SLCO2A1: variants seen among roughly 807,000 people sequenced by gnomAD.
The protein encoded by SLCO2A1 is solute carrier organic anion transporter family member 2A1.
Under a neutral mutation model 71.7 loss-of-function variants are expected in SLCO2A1, and 60 were observed. The ratio of observed to expected loss-of-function variants is 0.84; its 90% confidence interval spans 0.68 to 1.04. The LOEUF is 1.04. SLCO2A1 is among the 50% of genes least tolerant of loss of function. The probability of loss-of-function intolerance (pLI) is 0.00; values close to 1 mark genes in which losing one functional copy is unlikely to be tolerated. For missense variants in SLCO2A1, 745 were observed against 813.4 expected (o/e 0.92, Z 1.02); for synonymous variants, 308 against 326.7 (o/e 0.94, Z 0.62).
chr3:133,974,438 C>T (rs1314237373), intron 2 of SLCO2A1, among the ~76,000 whole-genome samples: 1 of 152,220 alleles, frequency 6.6e-6, no homozygotes, highest in African/African-American at 2.4e-5. Context: ...TCTTGCCTGA[C>T]TCTAAAACAC....
At chr3:134,010,550 A>G (rs1462017503) in intron 1 of SLCO2A1, among the ~76,000 whole-genome samples, 2 of 152,056 alleles carry the variant, frequency 1.3e-5, no homozygotes, top group Non-Finnish European at 2.9e-5. Flanking sequence ...TCAGGACTTC[A>G]AGACCAGCCT....
At chr3:133,941,282 T>A (rs1933412504) in intron 11 of SLCO2A1, among the ~76,000 whole-genome samples, 1 of 152,174 alleles carries the variant, frequency 6.6e-6, no homozygotes, top group African/African-American at 2.4e-5. Flanking sequence ...TTATTATTAT[T>A]ATTATTTGAT....
At chr3:133,993,477 A>T (rs1369559364) in intron 1 of SLCO2A1, among the ~76,000 whole-genome samples, 1 of 151,898 alleles carries the variant, frequency 6.6e-6, no homozygotes, top group African/African-American at 2.4e-5. Context: ...GATACCACAG[A>T]TTGAAAAAAA....
chr3:133,947,697 G>C (rs1933621723), intron 8 of SLCO2A1, among the ~76,000 whole-genome samples: 1 of 152,222 alleles, frequency 6.6e-6, no homozygotes, highest in Non-Finnish European at 1.5e-5. Context: ...CAGCTTAAGA[G>C]ATGTGGGTTG....
chr3:133,975,676 C>T (rs1200100079), intron 2 of SLCO2A1, among the ~76,000 whole-genome samples: 3 of 152,184 alleles, frequency 2.0e-5, no homozygotes, highest in Admixed American at 2.0e-4. Flanking sequence ...AGCCATACTG[C>T]CCCCAGCTGT....
chr3:133,991,532 C>T (rs1934845408), intron 1 of SLCO2A1, among the ~76,000 whole-genome samples: 1 of 152,194 alleles, frequency 6.6e-6, no homozygotes, highest in Admixed American at 6.5e-5. Flanking sequence ...ATAGCAATGA[C>T]AAAAGGTATC....
chr3:133,935,509 G>C (rs866898549), intron 13 of SLCO2A1, among the ~76,000 whole-genome samples: 1 of 152,154 alleles, frequency 6.6e-6, no homozygotes, highest in Non-Finnish European at 1.5e-5. Flanking sequence ...CCTTCCAAAG[G>C]CTTTCGGGTC....
intron 1 of SLCO2A1, among the ~76,000 whole-genome samples, chr3:133,981,013 T>C (rs1352831326): frequency 6.6e-6 from 1 of 152,254 alleles, no homozygotes; most frequent in Non-Finnish European, 1.5e-5. Context: ...TCTTTTGTAT[T>C]CTGAAATTCT....
chr3:134,003,964 A>C (rs1006531783), intron 1 of SLCO2A1, among the ~76,000 whole-genome samples: 1 of 152,230 alleles, frequency 6.6e-6, no homozygotes, highest in Admixed American at 6.5e-5. Flanking sequence ...CCCTGTGTAC[A>C]GCAGCTTTTG....
At chr3:133,952,769 A>G (rs184468236) in intron 5 of SLCO2A1, among the ~76,000 whole-genome samples, 81 of 152,302 alleles carry the variant, frequency 5.3e-4, no homozygotes, top group Admixed American at 2.6e-4. Flanking sequence ...TTATTTTACT[A>G]TCATTAGCTC....
In SLCO2A1 at chr3:133,934,941, T is replaced by C. The variant is rs568073304; in HGVS notation, c.1815-111A>G. 61 of 795,144 alleles carry C rather than the reference T, an allele frequency of 7.7e-5. No individual in the cohort carries two copies. The highest frequency in any genetic ancestry group is 1.1e-4 in the Non-Finnish European group (53 of 484,450). The allele number at this position is 795,144 out of a possible 1,614,324, so 49.3% of individuals were successfully genotyped here. ...CATTCCCACGCTGGCCCGCGGAAGGTGTGGGCACCATCCAGGTGAGGATCA... is the reference window on the plus strand; with the variant it reads ...CATTCCCACGCTGGCCCGCGGAAGGCGTGGGCACCATCCAGGTGAGGATCA... On this transcript the variant is annotated intron_variant, in intron 13 of 13. Coordinates refer to ENST00000310926, the MANE Select transcript of SLCO2A1 (RefSeq NM_005630.3).
chr3:133,956,158 C>A (rs1327920353), intron 3 of SLCO2A1, among the ~76,000 whole-genome samples: 1 of 152,200 alleles, frequency 6.6e-6, no homozygotes, highest in East Asian at 1.9e-4. Flanking sequence ...ATCTCACTCG[C>A]TTAACACTAA....
chr3:133,951,365 G>T, intron 5 of SLCO2A1, 21 bp from the exon 6 acceptor site: 3 of 1,613,084 alleles, frequency 1.9e-6, no homozygotes, highest in Non-Finnish European at 2.5e-6. Context: ...AACGAAGAGT[G>T]CAAATGTTTG....
At chr3:133,974,327 A>G (rs921261522) in intron 2 of SLCO2A1, among the ~76,000 whole-genome samples, 2 of 152,184 alleles carry the variant, frequency 1.3e-5, no homozygotes, top group African/African-American at 4.8e-5. Context: ...TGCTTATCTC[A>G]TTTAATCATG....
chr3:133,986,624 A>C (rs1011959481), intron 1 of SLCO2A1, among the ~76,000 whole-genome samples: 1 of 152,236 alleles, frequency 6.6e-6, no homozygotes, highest in African/African-American at 2.4e-5. Context: ...GGGAAACTGG[A>C]GTGGCCACGA....
chr3:133,997,048 G>A (rs1934981994), intron 1 of SLCO2A1, among the ~76,000 whole-genome samples: 1 of 152,170 alleles, frequency 6.6e-6, no homozygotes, highest in Admixed American at 6.5e-5. Flanking sequence ...ATAACCGACT[G>A]TCTTGGCTTA....
intron 10 of SLCO2A1, among the ~76,000 whole-genome samples, chr3:133,944,545 G>A (rs1933514357): frequency 6.6e-6 from 1 of 152,194 alleles, no homozygotes; most frequent in Admixed American, 6.5e-5. Flanking sequence ...TTGAATAGAA[G>A]TGCCCCAGAC....
rs547186635 is a variant in SLCO2A1 at position 134,015,616 on chromosome 3, C to T, written c.96+14091G>A. Among the ~76,000 whole-genome samples the T allele has an allele frequency of 5.3e-5, 8 of 152,132 alleles. No individual in the cohort carries two copies. In the East Asian group the frequency reaches 1.3e-3, roughly 26 times the overall value. On this transcript the variant is annotated intron_variant, in intron 1 of 13. Coordinates refer to ENST00000310926, the MANE Select transcript of SLCO2A1 (RefSeq NM_005630.3). The stretch of plus-strand genomic sequence containing the variant: ...CTCACCATAAAAAATGATAGATAAG[C>T]GAGGTCAAGATACATTAATTAGCTT...
chr3:133,993,055 C>A (rs1934888016), intron 1 of SLCO2A1, among the ~76,000 whole-genome samples: 1 of 152,244 alleles, frequency 6.6e-6, no homozygotes, highest in South Asian at 2.1e-4. Context: ...CTTCAGGGGT[C>A]ATGGGCACCC....
Sources: gnomAD v4.1 joint callset for allele counts (sites outside exome capture counted in the v4.1 genomes callset) on GRCh38, gnomAD v4.1.1 for gene constraint, MANE v1.5 for transcripts, NCBI Gene and HGNC (gene_info 2026-07-23, HGNC 2026-07-21) for gene names.